The following KIAA1217 variants were observed in gnomAD, a reference collection of about 807,000 sequenced individuals.
KIAA1217 encodes sickle tail protein homolog.
A neutral mutation model predicts 163.9 loss-of-function variants in KIAA1217; 88 were observed. The ratio of observed to expected loss-of-function variants is 0.54; its 90% confidence interval spans 0.45 to 0.64. The LOEUF is 0.64. Among genes scored for constraint, KIAA1217 ranks in the 30% least tolerant of loss-of-function variants. The pLI, the probability that KIAA1217 is intolerant of heterozygous loss-of-function variation, is 0.00. For synonymous variants in KIAA1217, 903 were observed against 923.1 expected (o/e 0.98, Z 0.39); for missense variants, 2,372 against 2,475.0 (o/e 0.96, Z 0.88).
At chr10:23,782,202 A>C (rs1397001121) in intron 1 of KIAA1217, among the ~76,000 whole-genome samples, 1 of 152,178 alleles carries the variant, frequency 6.6e-6, no homozygotes, top group Admixed American at 6.5e-5. Context: ...TGAATATGAA[A>C]TATCTTTCCA....
chr10:24,023,123 C>A (rs1847804761), intron 2 of KIAA1217, among the ~76,000 whole-genome samples: 1 of 151,554 alleles, frequency 6.6e-6, no homozygotes, highest in African/African-American at 2.4e-5. Context: ...AACAAAACTG[C>A]CATTATTTAC....
chr10:24,261,625 A>G (rs901171692), intron 2 of KIAA1217, among the ~76,000 whole-genome samples: 11 of 151,948 alleles, frequency 7.2e-5, no homozygotes, highest in Non-Finnish European at 1.5e-4. Context: ...GACTGCTTCT[A>G]TCCCAGTCTT....
At chr10:23,867,214 A>T (rs367856360) in intron 1 of KIAA1217, among the ~76,000 whole-genome samples, 1,903 of 152,088 alleles carry the variant, frequency 0.013, 52 homozygotes, top group African/African-American at 0.043. Flanking sequence ...TATTCCATGG[A>T]GTATATGTGC....
At chr10:24,116,708 C>T (rs974567074) in intron 2 of KIAA1217, among the ~76,000 whole-genome samples, 11 of 151,982 alleles carry the variant, frequency 7.2e-5, no homozygotes, top group African/African-American at 1.2e-4. Flanking sequence ...GCCATAGCTC[C>T]GCACACACAA....
chr10:24,008,187 TAGATAG>T (rs1847084943), intron 2 of KIAA1217, among the ~76,000 whole-genome samples: 1 of 152,040 alleles, frequency 6.6e-6, no homozygotes, highest in African/African-American at 2.4e-5. Flanking sequence ...GATAGATAGA[TAGATAG>T]ATAGATAGAT....
At chr10:24,387,738 C>T (rs2054214702) in intron 3 of KIAA1217, among the ~76,000 whole-genome samples, 1 of 152,120 alleles carries the variant, frequency 6.6e-6, no homozygotes, top group Non-Finnish European at 1.5e-5. Context: ...GCAAAAATCA[C>T]AAGCATTCCT....
intron 3 of KIAA1217, among the ~76,000 whole-genome samples, chr10:24,414,434 A>T (rs942590963): frequency 2.0e-5 from 3 of 152,240 alleles, no homozygotes; most frequent in African/African-American, 7.2e-5. Flanking sequence ...GGGGTAGCTC[A>T]GTATGATGAC....
intron 1 of KIAA1217, among the ~76,000 whole-genome samples, chr10:23,843,668 G>A (rs1242487940): frequency 2.0e-5 from 3 of 152,286 alleles, no homozygotes; most frequent in East Asian, 3.9e-4. Flanking sequence ...CAGAGAGAAG[G>A]AGGATACTGG....
chr10:24,012,691 G>A (rs995121510), intron 2 of KIAA1217, among the ~76,000 whole-genome samples: 3 of 152,260 alleles, frequency 2.0e-5, no homozygotes, highest in Admixed American at 6.5e-5. Flanking sequence ...ACTTTCAGAG[G>A]AAGCTGGAAT....
rs145504541 is a variant in KIAA1217 at position 24,182,533 on chromosome 10, T to C, written c.-170-37093T>C. 9.2e-4 allele frequency among the ~76,000 whole-genome samples: 140 copies of C among 152,288 alleles called. 1 individual carries two copies. The highest frequency in any genetic ancestry group is 3.2e-3 in the African/African-American group (134 of 41,554). On this transcript the variant is annotated intron_variant, in intron 2 of 18. Transcript: ENST00000376462. ...TTGTTTGTTTGTCTTCATTTTGTTT[T>C]GTTATGAAGTGATTTGAGTCAATGA...
At chr10:23,699,810 T>C (rs956049706) in intron 1 of KIAA1217, among the ~76,000 whole-genome samples, 14 of 152,148 alleles carry the variant, frequency 9.2e-5, no homozygotes, top group African/African-American at 2.9e-4. Context: ...TTATTAATAA[T>C]TTTTTATTTG....
At chr10:23,928,474 A>G (rs1400462558) in intron 1 of KIAA1217, among the ~76,000 whole-genome samples, 4 of 152,128 alleles carry the variant, frequency 2.6e-5, no homozygotes, top group Non-Finnish European at 5.9e-5. Flanking sequence ...ATTTGTTTAT[A>G]TAAATGTATA....
At chr10:24,444,050 C>T (rs557329741) in intron 5 of KIAA1217, among the ~76,000 whole-genome samples, 1 of 152,104 alleles carries the variant, frequency 6.6e-6, no homozygotes, top group South Asian at 2.1e-4. Context: ...CTCACTCTGT[C>T]ACCGGGCTGG....
At chr10:24,054,433 G>A (rs759524384) in intron 2 of KIAA1217, among the ~76,000 whole-genome samples, 1 of 152,170 alleles carries the variant, frequency 6.6e-6, no homozygotes, top group East Asian at 1.9e-4. Flanking sequence ...TCTCTGAGGA[G>A]AGAAAGTAGC....
intron 1 of KIAA1217, among the ~76,000 whole-genome samples, chr10:24,212,332 G>A (rs953228864): frequency 7.9e-5 from 12 of 152,162 alleles, no homozygotes; most frequent in East Asian, 7.7e-4. Context: ...GTTCTGAGGA[G>A]CAATCTTTTG....
At chr10:23,937,636 A>G (rs1843587496) in intron 1 of KIAA1217, among the ~76,000 whole-genome samples, 1 of 152,228 alleles carries the variant, frequency 6.6e-6, no homozygotes, top group Non-Finnish European at 1.5e-5. Flanking sequence ...AGAACGGCCC[A>G]TTAGTCTACT....
chr10:23,712,610 T>C (rs1440563402), intron 1 of KIAA1217, among the ~76,000 whole-genome samples: 1 of 152,132 alleles, frequency 6.6e-6, no homozygotes, highest in Non-Finnish European at 1.5e-5. Context: ...TTTTAAGCTT[T>C]TGACAAATAA....
intron 2 of KIAA1217, among the ~76,000 whole-genome samples, chr10:24,048,677 C>T (rs1734419098): frequency 2.6e-5 from 4 of 151,060 alleles, no homozygotes; most frequent in Non-Finnish European, 5.9e-5. Context: ...TTGCAGTGAG[C>T]CAAGATCATA....
At chr10:24,452,502 T>C (rs2132322544) in intron 5 of KIAA1217, among the ~76,000 whole-genome samples, 1 of 147,594 alleles carries the variant, frequency 6.8e-6, no homozygotes, top group Non-Finnish European at 1.5e-5. Context: ...TGAAACCCCG[T>C]CTCTACTTAA....
Sources: gnomAD v4.1 joint callset for allele counts (sites outside exome capture counted in the v4.1 genomes callset) on GRCh38, gnomAD v4.1.1 for gene constraint, MANE v1.5 for transcripts, NCBI Gene and HGNC (gene_info 2026-07-23, HGNC 2026-07-21) for gene names.